Variants in CT45A10 observed in about 807,000 individuals in gnomAD.
CT45A10 encodes the protein cancer/testis antigen family 45 member A10.
CT45A10 carries 19 observed loss-of-function variants against 8.3 expected under a neutral mutation model. That is an observed-to-expected ratio of 2.30 (90% CI 1.61 to 3.38). CT45A10 has a LOEUF of 3.38. Among genes scored for constraint, CT45A10 ranks in the 30% most tolerant of loss-of-function variants. The probability of loss-of-function intolerance (pLI) is 0.00; values close to 1 mark genes in which losing one functional copy is unlikely to be tolerated. For synonymous variants in CT45A10, 28 were observed against 26.5 expected, an observed-to-expected ratio of 1.06 and a Z score of -0.17; for missense variants, 149 against 85.9, an observed-to-expected ratio of 1.73 and a Z score of -2.90.
At position 135,882,960 on chromosome X, in the gene CT45A10, G is replaced by C. The variant is rs2088398916; in HGVS notation, c.418+48C>G. 6.0e-6 allele frequency: 7 copies of C among 1,176,259 alleles called. 1 individual carries two copies. In the Admixed American group the frequency reaches 9.0e-5, roughly 15 times the overall value. ...ATGGATATCTTCTGAATCATAGAAA[G>C]AGTGACTTCCTACAGTTTTATAAAA... On this transcript the variant is annotated intron_variant, in intron 3 of 4. Transcript: ENST00000682849.
At chrX:135,889,974 A>T (rs782589479) in intron 1 of CT45A10, among the ~76,000 whole-genome samples, 7 of 112,112 alleles carry the variant, frequency 6.2e-5, no homozygotes, top group Non-Finnish European at 9.4e-5. Flanking sequence ...GTATGAAAAA[A>T]AGCATTGTAA....
intron 3 of CT45A10, 24 bp downstream of exon 3, chrX:135,882,984 A>G: frequency 8.4e-7 from 1 of 1,193,213 alleles, no homozygotes. Context: ...AGTTTTATAA[A>G]ACAGACGTTC....
At chrX:135,890,500 C>T (rs782454918) in intron 1 of CT45A10, among the ~76,000 whole-genome samples, 8 of 112,335 alleles carry the variant, frequency 7.1e-5, no homozygotes, top group Admixed American at 3.8e-4. Context: ...TGGAACTTGC[C>T]GACTCCATTT....
intron 2 of CT45A10, 91 bp from the exon 3 acceptor site, chrX:135,883,347 A>T (rs1393097545): frequency 8.5e-7 from 1 of 1,183,183 alleles, no homozygotes; most frequent in African/African-American, 1.8e-5. Flanking sequence ...ACAGATCTGG[A>T]AATCAAACTG....
At chrX:135,882,653 T>G in intron 3 of CT45A10, 24 bp from the exon 4 acceptor site, 1 of 1,158,344 alleles carries the variant, frequency 8.6e-7, no homozygotes. Context: ...AAAAAAAACT[T>G]CAGTATTATC....
At chrX:135,889,583 G>A (rs1383911688) in intron 1 of CT45A10, among the ~76,000 whole-genome samples, 6 of 111,499 alleles carry the variant, frequency 5.4e-5, no homozygotes, top group Non-Finnish European at 1.1e-4. Flanking sequence ...GGGCGCAGTG[G>A]CTCACGCCTG....
intron 1 of CT45A10, among the ~76,000 whole-genome samples, chrX:135,889,501 A>T (rs1556589123): frequency 9.1e-6 from 1 of 110,335 alleles, no homozygotes; most frequent in Admixed American, 9.6e-5. Context: ...AGAAAGAAAG[A>T]AAAAGAAGCA....
chrX:135,892,948 C>A (rs1309588053), intron 1 of CT45A10, among the ~76,000 whole-genome samples: 1 of 110,569 alleles, frequency 9.0e-6, no homozygotes, highest in Non-Finnish European at 1.9e-5. Context: ...AGACAGAGCT[C>A]CCAAGGCAGA....
chrX:135,890,615 C>T (rs2088491620), intron 1 of CT45A10, among the ~76,000 whole-genome samples: 1 of 111,943 alleles, frequency 8.9e-6, no homozygotes, highest in African/African-American at 3.2e-5. Flanking sequence ...TTGATTTTGA[C>T]TTGACTTGAA....
rs2088408257 is a variant in CT45A10 at position 135,883,238 on chromosome X, G to C, written c.188C>G (p.Ala63Gly). 15 of 1,197,039 alleles carry C rather than the reference G, an allele frequency of 1.3e-5. 1 individual carries two copies. The highest frequency in any genetic ancestry group is 1.8e-5 in the South Asian group (1 of 55,944). Residue 63 changes from alanine to glycine, a missense_variant, in exon 3 of 5, where the codon GCT becomes GGT. By Grantham distance (60) the Ala-to-Gly change is moderately conservative (BLOSUM62 0). Transcript: ENST00000682849. Reference protein sequence around the residue: ...SKEKKLMTGHAIPPSQLDSQI... With the variant: ...SKEKKLMTGHGIPPSQLDSQI... ...AGAATCCAATTGGCTGGGTGGAATA[G>C]CATGTCCTGTCATAAGCTCTGGTGA...
chrX:135,882,178 A>C (rs1192815493), intron 4 of CT45A10, among the ~76,000 whole-genome samples: 3 of 39,725 alleles, frequency 7.6e-5, no homozygotes, highest in Non-Finnish European at 1.4e-4. Flanking sequence ...ACTTACCTTG[A>C]TGTGATTATT....
At chrX:135,889,740 A>T (rs1249610520) in intron 1 of CT45A10, among the ~76,000 whole-genome samples, 1 of 108,885 alleles carries the variant, frequency 9.2e-6, no homozygotes, top group Non-Finnish European at 1.9e-5. Context: ...AGTCCCGCTA[A>T]GGAAGGAGAC....
intron 1 of CT45A10, among the ~76,000 whole-genome samples, chrX:135,890,083 T>G (rs986705148): frequency 8.9e-6 from 1 of 112,375 alleles, no homozygotes; most frequent in Non-Finnish European, 1.9e-5. Context: ...CTTAAAGTTG[T>G]AAGCCTCTAA....
At chrX:135,887,366 C>A (rs2088438760) in intron 1 of CT45A10, among the ~76,000 whole-genome samples, 1 of 60,007 alleles carries the variant, frequency 1.7e-5, no homozygotes, top group Non-Finnish European at 3.4e-5. Flanking sequence ...AAATAATACA[C>A]TAATTAATAA....
At chrX:135,883,914 A>C in intron 2 of CT45A10, among the ~76,000 whole-genome samples, 1 of 13,023 alleles carries the variant, frequency 7.7e-5, no homozygotes, top group South Asian at 2.2e-3. Context: ...GACACCTCTC[A>C]TTTATTCATC....
At chrX:135,891,363 A>G (rs1193494936) in intron 1 of CT45A10, among the ~76,000 whole-genome samples, 1 of 108,139 alleles carries the variant, frequency 9.2e-6, no homozygotes, top group Non-Finnish European at 1.9e-5. Flanking sequence ...GTTATATATA[A>G]AAATATACAT....
At chrX:135,886,978 G>A (rs1426601932) in intron 1 of CT45A10, among the ~76,000 whole-genome samples, 2 of 59,168 alleles carry the variant, frequency 3.4e-5, no homozygotes, top group African/African-American at 1.1e-4. Context: ...CCATAAAAAA[G>A]AATGAGTTCA....
At chrX:135,882,698 C>T in intron 3 of CT45A10, 69 bp from the exon 4 acceptor site, 1 of 581,787 alleles carries the variant, frequency 1.7e-6, no homozygotes, top group East Asian at 3.5e-5. Flanking sequence ...ATCTACACCT[C>T]AGCAATCATG....
intron 1 of CT45A10, chrX:135,889,192 C>T (rs2088471805): frequency 2.5e-6 from 1 of 393,339 alleles, no homozygotes. Flanking sequence ...CTGCAGGCGA[C>T]CTTCAGTAAC....
Sources: gnomAD v4.1 joint callset for allele counts (sites outside exome capture counted in the v4.1 genomes callset) on GRCh38, gnomAD v4.1.1 for gene constraint, MANE v1.5 for transcripts, NCBI Gene and HGNC (gene_info 2026-07-23, HGNC 2026-07-21) for gene names.